The following DGKD variants were observed in gnomAD, a reference collection of about 807,000 sequenced individuals.
DGKD encodes the protein DAG kinase delta.
In DGKD, 68 loss-of-function variants were observed where a neutral mutation model predicts 154.4. The ratio of observed to expected loss-of-function variants is 0.44; its 90% CI spans 0.36 to 0.54. The LOEUF (loss-of-function observed/expected upper bound fraction) is 0.54, where lower values mean the gene tolerates loss of function less well. Among genes scored for constraint, DGKD ranks in the 20% least tolerant of loss-of-function variants. The pLI is 0.00. For missense variants in DGKD, 1,343 were observed against 1,593.6 expected (o/e 0.84, Z 2.68); for synonymous variants, 693 against 638.0 (o/e 1.09, Z -1.30).
intron 3 of DGKD, among the ~76,000 whole-genome samples, chr2:233,412,122 G>A (rs2061844426): frequency 1.3e-5 from 2 of 152,042 alleles, no homozygotes; most frequent in African/African-American, 4.8e-5. Flanking sequence ...TTTAATATTA[G>A]TTTGTCAATT....
chr2:233,438,523 C>A lies in DGKD; in HGVS notation c.1085+144C>A. On this transcript the variant is annotated intron_variant, in intron 9 of 29. Transcript: ENST00000264057. This position sits in a 1 kb window ranked among gnomAD's most constrained non-coding sequence, Gnocchi z 4.1. The stretch of plus-strand genomic sequence containing the variant: ...CTGCTTCCTTCCCAAATTGCACTTG[C>A]AGAGGTGCCCACTCTTAATAGAGGT... The A allele has an allele frequency of 2.0e-6, 2 of 1,022,572 alleles. No homozygotes were observed. The highest frequency in any genetic ancestry group is 2.8e-6 in the Non-Finnish European group (2 of 714,964). 63.3% of individuals were successfully genotyped at this position (1,022,572 alleles called of 1,614,324 possible). A position where few individuals can be genotyped will look rare whatever the true frequency, so the allele number is the denominator to read the frequency against.
chr2:233,377,665 T>C (rs550722465), intron 1 of DGKD, among the ~76,000 whole-genome samples: 1 of 152,176 alleles, frequency 6.6e-6, no homozygotes, highest in Non-Finnish European at 1.5e-5. Context: ...AGGAGTGGGC[T>C]TGCTAGATCA....
rs770305801 is a variant in DGKD at position 233,446,739 on chromosome 2, G to T, written c.1362G>T (p.Lys454Asn). Residue 454 changes from lysine (K) to asparagine (N), a missense_variant, in exon 12 of 30, where the codon AAG becomes AAT. This residue lies in a region of DGKD where 409 missense variants were observed against 446.0 expected (regional missense o/e 0.92). Coordinates refer to ENST00000264057, the MANE Select transcript of DGKD (RefSeq NM_152879.3). ...GGAGCGTCATGGCATACGAGGCCAA[G>T]CTCCCCCGGCAGGCCTCCTCCTCTA... ...DRWSVMAYEAKLPRQASSSTV... is the reference protein window; with the variant it reads ...DRWSVMAYEANLPRQASSSTV... 1 of 1,614,162 alleles carries T rather than the reference G, an allele frequency of 6.2e-7. No homozygotes were observed. The highest frequency in any genetic ancestry group is 8.5e-7 in the Non-Finnish European group (1 of 1,180,034).
Position 233,459,689 on chromosome 2 carries a change from G to A in DGKD, c.2695-68G>A, listed in dbSNP as rs1271310754. 1.3e-5 allele frequency: 21 copies of A among 1,569,464 alleles called. No individual in the cohort carries two copies. The highest frequency in any genetic ancestry group is 1.0e-5 in the Non-Finnish European group (12 of 1,155,902). ...TGTGGAGCAGGAAGGTCATGGTGGT[G>A]CTGATAGCACTTTTAAACCCCTGGG... is the stretch of plus-strand genomic sequence containing the variant. On this transcript the variant is annotated intron_variant, in intron 22 of 29. Transcript: ENST00000264057. The surrounding 1 kb of genome is among the most constrained non-coding windows in gnomAD (Gnocchi z 5.7).
chr2:233,369,821 G>T (rs1030450512), intron 1 of DGKD, among the ~76,000 whole-genome samples: 1 of 152,098 alleles, frequency 6.6e-6, no homozygotes, highest in African/African-American at 2.4e-5. Flanking sequence ...CTGAGTAGTG[G>T]GTGTTTGCTG....
chr2:233,413,713 C>T (rs755335777), intron 3 of DGKD, among the ~76,000 whole-genome samples: 5 of 152,226 alleles, frequency 3.3e-5, no homozygotes, highest in East Asian at 1.9e-4. Flanking sequence ...TGTGCTGTGA[C>T]GGGAGCTGGC....
intron 3 of DGKD, among the ~76,000 whole-genome samples, chr2:233,428,492 T>G (rs1449024126): frequency 6.6e-6 from 1 of 152,150 alleles, no homozygotes; most frequent in Non-Finnish European, 1.5e-5. Flanking sequence ...GACCCCAAGG[T>G]AGCACCGATA....
At position 233,393,601 on chromosome 2, in the gene DGKD, G is replaced by A. The variant is rs188741487; in HGVS notation, c.348+3118G>A. On this transcript the variant is annotated intron_variant, in intron 3 of 29. Coordinates refer to ENST00000264057, the MANE Select transcript of DGKD (RefSeq NM_152879.3). ...GATCCTCCTGCCTCAGCCTTCCAAA[G>A]TGCTGGGATTACAGGTGTAAGGCAC... Among the ~76,000 whole-genome samples the A allele has an allele frequency of 1.8e-3, 272 of 151,530 alleles. 2 individuals are homozygous for A. The highest frequency in any genetic ancestry group is 6.5e-3 in the African/African-American group (267 of 41,266).
At chr2:233,375,250 C>T (rs1031418820) in intron 1 of DGKD, among the ~76,000 whole-genome samples, 5 of 151,960 alleles carry the variant, frequency 3.3e-5, no homozygotes, top group African/African-American at 1.2e-4. Flanking sequence ...GAGATCGTGC[C>T]ACCGCGCTCC....
chr2:233,409,170 A>C (rs2061760304), intron 3 of DGKD: 1 of 152,218 alleles, frequency 6.6e-6, no homozygotes, highest in Non-Finnish European at 1.5e-5. Flanking sequence ...GTGAAATCTA[A>C]GCCATTTTCA....
At chr2:233,368,101 C>T (rs1460655875) in intron 1 of DGKD, among the ~76,000 whole-genome samples, 1 of 152,162 alleles carries the variant, frequency 6.6e-6, no homozygotes. Context: ...TATTCATACA[C>T]AATACAGGAC....
At position 233,438,071 on chromosome 2, in the gene DGKD, C is replaced by G. The variant is rs548181196; in HGVS notation, c.923-146C>G. The G allele has an allele frequency of 8.3e-5, 74 of 887,122 alleles. No homozygotes were observed. In the African/African-American group the frequency reaches 1.0e-3, roughly 12 times the overall value. 55.0% of individuals were successfully genotyped at this position (887,122 alleles called of 1,614,324 possible). A position where few individuals can be genotyped will look rare whatever the true frequency, so the allele number is the denominator to read the frequency against. ...ACACATGGAGACCGGCTGTGGGGAA[C>G]TGTTCACTGACCTCCTCCTGACTTA... On this transcript the variant is annotated intron_variant, in intron 8 of 29. Transcript: ENST00000264057. The surrounding 1 kb of genome is among the most constrained non-coding windows in gnomAD (Gnocchi z 4.1).
In DGKD at chr2:233,469,443, C is replaced by T; in HGVS notation, c.3628C>T (p.Pro1210Ser). 7 of 1,603,954 alleles carry T rather than the reference C, an allele frequency of 4.4e-6. No homozygotes were observed. Among genetic ancestry groups the T allele is most frequent in the Non-Finnish European group, 5.1e-6 (6 of 1,176,330 alleles). The change falls in exon 30 of 30, where the codon CCC becomes TCC. Residue 1210 changes from proline to serine, a missense_variant. Coordinates refer to ENST00000264057, the MANE Select transcript of DGKD (RefSeq NM_152879.3). Reference protein sequence around the residue: ...CGIKELSRSAPAVEA With the variant: ...CGIKELSRSASAVEA ...CATCAAGGAGCTGAGCCGCAGCGCC[C>T]CCGCCGTCGAGGCCTAGCCTCTGTC...
intron 3 of DGKD, among the ~76,000 whole-genome samples, chr2:233,402,477 A>G (rs936302954): frequency 3.3e-5 from 5 of 152,194 alleles, no homozygotes; most frequent in South Asian, 2.1e-4. Flanking sequence ...TGGGGTGACT[A>G]TGTGTATGAA....
At chr2:233,388,654 T>C in intron 2 of DGKD, 1 of 251,500 alleles carries the variant, frequency 4.0e-6, no homozygotes, top group East Asian at 7.5e-5. Context: ...GATATCTCTC[T>C]CTCAGAAAGG....
chr2:233,374,869 A>C (rs192187733), intron 1 of DGKD, among the ~76,000 whole-genome samples: 2 of 145,516 alleles, frequency 1.4e-5, no homozygotes, highest in Non-Finnish European at 1.5e-5. Flanking sequence ...TTACTATGCT[A>C]TGTTGCCCAG....
At chr2:233,435,157 C>T (rs1310956670) in intron 5 of DGKD, among the ~76,000 whole-genome samples, 1 of 152,170 alleles carries the variant, frequency 6.6e-6, no homozygotes, top group African/African-American at 2.4e-5. Context: ...ATCTAGAGCA[C>T]ACAGAGGGAA....
chr2:233,462,466 A>T lies in DGKD; in HGVS notation c.3093+7A>T. On this transcript the variant is annotated splice_region_variant and intron_variant, in intron 25 of 29. Transcript: ENST00000264057. Reference sequence around the variant, plus strand: ...CAAGCCCAGAACCACAGAGGTAGCTATTCTGGCCTTTTCAGTCCTGGCTTC... The same window carrying T: ...CAAGCCCAGAACCACAGAGGTAGCTTTTCTGGCCTTTTCAGTCCTGGCTTC... 1.3e-6 allele frequency: 2 copies of T among 1,591,448 alleles called. No homozygotes were observed. Among genetic ancestry groups the T allele is most frequent in the Non-Finnish European group, 1.7e-6 (2 of 1,163,336 alleles).
intron 3 of DGKD, among the ~76,000 whole-genome samples, chr2:233,395,961 T>C (rs1428822301): frequency 1.3e-5 from 2 of 152,212 alleles, no homozygotes; most frequent in Non-Finnish European, 1.5e-5. Flanking sequence ...ATGCTTTGTT[T>C]CACTAGCTCT....
Sources: gnomAD v4.1 joint callset for allele counts (sites outside exome capture counted in the v4.1 genomes callset) on GRCh38, gnomAD v4.1.1 for gene constraint, gnomAD v4.1.1 regional missense constraint, Gnocchi (gnomAD v3.1) non-coding constraint, MANE v1.5 for transcripts, NCBI Gene and HGNC (gene_info 2026-07-23, HGNC 2026-07-21) for gene names.